Variants in PC observed in about 807,000 individuals in gnomAD.
PC encodes pyruvate carboxylase, mitochondrial.
PC carries 46 observed loss-of-function variants against 107.8 expected under a neutral mutation model. The observed-to-expected ratio is 0.43, with a 90% CI of 0.34 to 0.55. PC has a LOEUF of 0.55. Among genes scored for constraint, PC ranks in the 20% least tolerant of loss-of-function variants. The pLI is 0.04. For missense variants in PC, 1,241 were observed against 1,643.1 expected (o/e 0.76, Z 4.23); for synonymous variants, 662 against 684.7 (o/e 0.97, Z 0.52).
chr11:66,873,549 T>TA (rs1211509593), intron 3 of PC, among the ~76,000 whole-genome samples: 38 of 104,150 alleles, frequency 3.6e-4, no homozygotes, highest in East Asian at 2.3e-3. Context: ...ATATATAATA[T>TA]TATAATATTA....
chr11:66,934,897 G>A (rs574835212), intron 3 of PC, among the ~76,000 whole-genome samples: 53 of 152,214 alleles, frequency 3.5e-4, no homozygotes, highest in African/African-American at 1.1e-3. Context: ...GAACAACCGC[G>A]CCCAGCCCCC....
chr11:66,857,188 G>A lies in PC; in HGVS notation c.1369-3805C>T, dbSNP rs1643974133. The A allele has an allele frequency of 6.7e-6, 1 of 149,358 alleles. No homozygotes were observed. Among genetic ancestry groups the A allele is most frequent in the Non-Finnish European group, 1.5e-5 (1 of 67,002 alleles). The allele number at this position is 149,358 out of a possible 1,614,324, so 9.3% of individuals were successfully genotyped here. On this transcript the variant is annotated intron_variant, in intron 12 of 22. Transcript: ENST00000393960. The surrounding 1 kb of genome is among the most constrained non-coding windows in gnomAD (Gnocchi z 7.1). ...ATGGGCCCGAGGGTGGGCGGCGGGC[G>A]GCCGGTCATCCCCGGGCCTCGTCCC... is the stretch of plus-strand genomic sequence containing the variant.
chr11:66,933,350 C>T (rs1163486855), intron 3 of PC, among the ~76,000 whole-genome samples: 1 of 152,168 alleles, frequency 6.6e-6, no homozygotes, highest in Admixed American at 6.6e-5. Context: ...CCTTTCTCCT[C>T]TCTGGGTAAC....
At chr11:66,863,043 T>C (rs1946338800) in intron 12 of PC, among the ~76,000 whole-genome samples, 2 of 152,056 alleles carry the variant, frequency 1.3e-5, no homozygotes, top group African/African-American at 4.8e-5. Context: ...TTTCCAGAAA[T>C]TAAGAATTAT....
chr11:66,864,090 A>C, intron 11 of PC, 134 bp from the exon 12 acceptor site: 1 of 881,486 alleles, frequency 1.1e-6, no homozygotes, highest in Non-Finnish European at 1.8e-6. Context: ...GGTGAATCCC[A>C]GCTCTGGCTG....
In PC at chr11:66,848,842, G is replaced by T; in HGVS notation, c.*57C>A. ...CACTGGCTGGCCTGGGCCTGCCGTG[G>T]CAGCACAGCTTCTGTTGAAGGCTTG... is the stretch of plus-strand genomic sequence containing the variant. On this transcript the variant is annotated 3_prime_UTR_variant, in exon 23 of 23. Coordinates refer to ENST00000393960, the MANE Select transcript of PC (RefSeq NM_001040716.2). 1 of 1,610,752 alleles carries T rather than the reference G, an allele frequency of 6.2e-7. No homozygotes were observed. Among genetic ancestry groups the T allele is most frequent in the South Asian group, 1.1e-5 (1 of 90,892 alleles).
At chr11:66,859,392 CGT>C (rs1946100608) in intron 12 of PC, among the ~76,000 whole-genome samples, 1 of 152,290 alleles carries the variant, frequency 6.6e-6, no homozygotes, top group Admixed American at 6.5e-5. Context: ...CCCGCGCCCG[CGT>C]GTTATTTCTG....
At chr11:66,865,731 T>C (rs1472604112) in intron 11 of PC, among the ~76,000 whole-genome samples, 2 of 152,106 alleles carry the variant, frequency 1.3e-5, no homozygotes, top group Non-Finnish European at 2.9e-5. Flanking sequence ...CCATCCTTGA[T>C]GGGCCCCTGA....
intron 3 of PC, among the ~76,000 whole-genome samples, chr11:66,914,520 AAAAG>A (rs1347955216): frequency 8.6e-5 from 13 of 151,790 alleles, no homozygotes; most frequent in South Asian, 2.1e-4. Context: ...TCAAAAAAAA[AAAAG>A]AAAGAAAGAA....
Position 66,851,854 on chromosome 11 carries a change from G to C in PC, c.1918C>G (p.Gln640Glu). ...LRELIPNIPF[Q>E]MLLRGANAVG... Reference sequence around the variant, plus strand: ...GCATTGGCCCCCCGCAGCAGCATCTGGAAAGGGATGTTGGGGATGAGCTCC... The same window carrying C: ...GCATTGGCCCCCCGCAGCAGCATCTCGAAAGGGATGTTGGGGATGAGCTCC... Residue 640 changes from glutamine to glutamate, a missense_variant, in exon 16 of 23, where the codon CAG becomes GAG. Physicochemically the swap from Gln to Glu is conservative, Grantham distance 29 (BLOSUM62 2). This residue lies in a region of PC where 1,143 missense variants were observed against 1,551.9 expected (regional missense o/e 0.74). Coordinates refer to ENST00000393960, the MANE Select transcript of PC (RefSeq NM_001040716.2). The C allele has an allele frequency of 6.2e-7, 1 of 1,614,128 alleles. No homozygotes were observed. The highest frequency in any genetic ancestry group is 8.5e-7 in the Non-Finnish European group (1 of 1,180,016).
intron 21 of PC, 45 bp downstream of exon 21, chr11:66,849,566 G>A: frequency 6.2e-7 from 1 of 1,613,692 alleles, no homozygotes; most frequent in Non-Finnish European, 8.5e-7. Context: ...GAGCTCTGGG[G>A]CAGGGGGCCA....
rs925266316 is a variant in PC at position 66,848,427 on chromosome 11, A to G, written c.*472T>C. The G allele has an allele frequency of 1.7e-5, 9 of 514,960 alleles. No individual in the cohort carries two copies. Among genetic ancestry groups the G allele is most frequent in the Non-Finnish European group, 3.1e-5 (9 of 294,818 alleles). 31.9% of individuals were successfully genotyped at this position (514,960 alleles called of 1,614,324 possible). On this transcript the variant is annotated 3_prime_UTR_variant, in exon 23 of 23. Coordinates refer to ENST00000393960, the MANE Select transcript of PC (RefSeq NM_001040716.2). The stretch of plus-strand genomic sequence containing the variant: ...GTCATTCTCACTACCCTCTGAGGAG[A>G]ACGACACAACTGACCTGCCCACCCA...
chr11:66,879,000 G>C (rs78875515), intron 3 of PC, among the ~76,000 whole-genome samples: 2 of 152,144 alleles, frequency 1.3e-5, no homozygotes, highest in Non-Finnish European at 2.9e-5. Flanking sequence ...CCTGGGGGTC[G>C]ACTGAGACAG....
At chr11:66,862,538 A>T (rs1470428109) in intron 12 of PC, among the ~76,000 whole-genome samples, 1 of 152,166 alleles carries the variant, frequency 6.6e-6, no homozygotes, top group Non-Finnish European at 1.5e-5. Flanking sequence ...GCCAGTGCCC[A>T]GCACAGCCCG....
At chr11:66,878,165 T>C (rs999179257) in intron 3 of PC, among the ~76,000 whole-genome samples, 3 of 152,112 alleles carry the variant, frequency 2.0e-5, no homozygotes, top group Admixed American at 2.0e-4. Flanking sequence ...CTGGCCTGCC[T>C]ATAGGTGAGC....
At chr11:66,937,783 T>G (rs993398248) in intron 3 of PC, among the ~76,000 whole-genome samples, 1 of 151,248 alleles carries the variant, frequency 6.6e-6, no homozygotes, top group South Asian at 2.1e-4. Context: ...TTTTTTTGTT[T>G]TTTTTTTTTT....
At position 66,866,540 on chromosome 11, in the gene PC, C is replaced by A. The variant is rs186063169; in HGVS notation, c.1023-191G>T. Reference sequence around the variant, plus strand: ...CCACCAGCCCCTGCCCTGCTCCCGCCGGGAGCCGACTAAACTACACAGTGC... The same window carrying A: ...CCACCAGCCCCTGCCCTGCTCCCGCAGGGAGCCGACTAAACTACACAGTGC... On this transcript the variant is annotated intron_variant, in intron 10 of 22. Coordinates refer to ENST00000393960, the MANE Select transcript of PC (RefSeq NM_001040716.2). This position sits in a 1 kb window ranked among gnomAD's most constrained non-coding sequence, Gnocchi z 5.4. Among the ~76,000 whole-genome samples, 1 of 152,142 alleles carries A rather than the reference C, an allele frequency of 6.6e-6. No individual in the cohort carries two copies. The highest frequency in any genetic ancestry group is 2.4e-5 in the African/African-American group (1 of 41,436).
chr11:66,887,485 C>T (rs941944905), intron 3 of PC, among the ~76,000 whole-genome samples: 4 of 152,056 alleles, frequency 2.6e-5, no homozygotes, highest in Non-Finnish European at 5.9e-5. Flanking sequence ...CAAGAAAGAG[C>T]TCTAGGAAAT....
Position 66,848,447 on chromosome 11 carries a change from C to T in PC, c.*452G>A, listed in dbSNP as rs1591107324. 2 of 526,382 alleles carry T rather than the reference C, an allele frequency of 3.8e-6. No individual in the cohort carries two copies. The highest frequency in any genetic ancestry group is 3.0e-5 in the East Asian group (1 of 33,610). The allele number at this position is 526,382 out of a possible 1,614,324, so 32.6% of individuals were successfully genotyped here. ...AGGAGAACGACACAACTGACCTGCCCACCCATGGGGAGCTTGAAAGGCAGC... is the reference window on the plus strand; with the variant it reads ...AGGAGAACGACACAACTGACCTGCCTACCCATGGGGAGCTTGAAAGGCAGC... On this transcript the variant is annotated 3_prime_UTR_variant, in exon 23 of 23. Coordinates refer to ENST00000393960, the MANE Select transcript of PC (RefSeq NM_001040716.2).
Sources: gnomAD v4.1 joint callset for allele counts (sites outside exome capture counted in the v4.1 genomes callset) on GRCh38, gnomAD v4.1.1 for gene constraint, gnomAD v4.1.1 regional missense constraint, Gnocchi (gnomAD v3.1) non-coding constraint, MANE v1.5 for transcripts, NCBI Gene and HGNC (gene_info 2026-07-23, HGNC 2026-07-21) for gene names.